Variants in DIP2B observed in about 807,000 individuals in gnomAD.
The protein encoded by DIP2B is DIP2 acetate--CoA ligase B (putative).
DIP2B carries 76 observed loss-of-function variants against 198.0 expected under a neutral mutation model. The observed-to-expected ratio is 0.38, with a 90% CI of 0.32 to 0.46. The LOEUF (loss-of-function observed/expected upper bound fraction) is 0.46, where lower values mean the gene tolerates loss of function less well. Among genes scored for constraint, DIP2B ranks in the 20% least tolerant of loss-of-function variants. DIP2B has a pLI of 0.99. For synonymous variants in DIP2B, 701 were observed against 739.1 expected, an observed-to-expected ratio of 0.95 and a Z score of 0.84; for missense variants, 1,559 against 1,978.4, an observed-to-expected ratio of 0.79 and a Z score of 4.02.
rs1449648071 is a variant in DIP2B, at chr12:50,690,728, T to C, written c.1552-321T>C. ...ACTCTGCAGTGCTGTGCTTGACTTG[T>C]ATTTATTTGATATTGTGTTTCTATT... On this transcript the variant is annotated intron_variant, in intron 12 of 37. Transcript: ENST00000301180. Among the ~76,000 whole-genome samples, 6 of 152,224 alleles carry C rather than the reference T, an allele frequency of 3.9e-5. No individual in the cohort carries two copies. The East Asian group carries it at 1.2e-3, about 29-fold the overall frequency.
At chr12:50,731,322 T>C (rs1940038385) in intron 30 of DIP2B, 47 bp from the exon 31 acceptor site, 1 of 1,591,770 alleles carries the variant, frequency 6.3e-7, no homozygotes, top group Non-Finnish European at 8.6e-7. Flanking sequence ...AAGCATCAGG[T>C]ATCCAGGATG....
At chr12:50,649,911 A>G (rs1938423916) in intron 3 of DIP2B, among the ~76,000 whole-genome samples, 1 of 152,092 alleles carries the variant, frequency 6.6e-6, no homozygotes, top group Non-Finnish European at 1.5e-5. Context: ...GAGAAACCAT[A>G]TTAAGTGCCA....
In DIP2B at chr12:50,589,952, G is replaced by A. The variant is rs563262038; in HGVS notation, c.101-36024G>A. On this transcript the variant is annotated intron_variant, in intron 1 of 37. Coordinates refer to ENST00000301180, the MANE Select transcript of DIP2B (RefSeq NM_173602.3). ...GTTCTCTGCCTTTTAACTGGTGAAA[G>A]TAAGGGGGCAGAGGAGATAGGCATT... 3.3e-5 allele frequency among the ~76,000 whole-genome samples: 5 copies of A among 152,240 alleles called. 1 individual carries two copies. The highest frequency in any genetic ancestry group is 2.1e-4 in the South Asian group (1 of 4,820).
chr12:50,685,960 A>T lies in DIP2B; in HGVS notation c.1441+4A>T. On this transcript the variant is annotated splice_donor_region_variant and intron_variant, in intron 11 of 37. Coordinates refer to ENST00000301180, the MANE Select transcript of DIP2B (RefSeq NM_173602.3). The stretch of plus-strand genomic sequence containing the variant: ...GGAGAAATTGTACAGTTTAAAGGTT[A>T]GTAACATTGTACCTGAATTATCAGT... 2 of 1,608,296 alleles carry T rather than the reference A, an allele frequency of 1.2e-6. No individual in the cohort carries two copies. Among genetic ancestry groups the T allele is most frequent in the South Asian group, 2.2e-5 (2 of 89,698 alleles).
At position 50,505,185 on chromosome 12, in the gene DIP2B, G is replaced by A; in HGVS notation, c.45G>A (p.Ala15=). The A allele has an allele frequency of 1.3e-6, 2 of 1,525,364 alleles. No homozygotes were observed. Among genetic ancestry groups the A allele is most frequent in the South Asian group, 2.4e-5 (2 of 83,420 alleles). 94.5% of individuals were successfully genotyped at this position (1,525,364 alleles called of 1,614,324 possible). ...AGCCGTCGCCGGCCGCGGTGGCGGC[G>A]CTGCCGCCTGAAGTGCGGGCGCAGC... ...GLEPSPAAVA[A]LPPEVRAQLA... is the part of the protein sequence containing the mutation. The change falls in exon 1 of 38, where the codon GCG becomes GCA. Residue 15 remains alanine, a synonymous_variant. Coordinates refer to ENST00000301180, the MANE Select transcript of DIP2B (RefSeq NM_173602.3).
chr12:50,696,131 ATC>A (rs1939307646), intron 16 of DIP2B, among the ~76,000 whole-genome samples, 164 bp downstream of exon 16: 1 of 152,236 alleles, frequency 6.6e-6, no homozygotes. Context: ...CATCATTACA[ATC>A]TAAGTTTAGA....
In DIP2B at chr12:50,722,604, G is replaced by A. The variant is rs563840949; in HGVS notation, c.3167-598G>A. The stretch of plus-strand genomic sequence containing the variant: ...TTATTTACCTAGATACTGAGATTTC[G>A]TAGAAGATCATGTGATAAAGCAGTC... On this transcript the variant is annotated intron_variant, in intron 26 of 37. Coordinates refer to ENST00000301180, the MANE Select transcript of DIP2B (RefSeq NM_173602.3). 3.4e-4 allele frequency among the ~76,000 whole-genome samples: 51 copies of A among 152,136 alleles called. No homozygotes were observed. In the South Asian group the frequency reaches 7.3e-3, roughly 22 times the overall value.
At chr12:50,716,857 G>A (rs1187910307) in intron 23 of DIP2B, among the ~76,000 whole-genome samples, 1 of 151,252 alleles carries the variant, frequency 6.6e-6, no homozygotes, top group East Asian at 1.9e-4. Flanking sequence ...AGAGGGAGTG[G>A]GCTCCCCCGT....
chr12:50,574,943 T>C (rs952609249), intron 1 of DIP2B, among the ~76,000 whole-genome samples: 11 of 152,258 alleles, frequency 7.2e-5, no homozygotes, highest in African/African-American at 2.4e-4. Context: ...GATTTAGTAT[T>C]ATTTCTGGGC....
In DIP2B at chr12:50,708,521, T is replaced by C. The variant is rs1324865037; in HGVS notation, c.2608T>C (p.Ser870Pro). 6 of 1,606,858 alleles carry C rather than the reference T, an allele frequency of 3.7e-6. No individual in the cohort carries two copies. The highest frequency in any genetic ancestry group is 5.1e-6 in the Non-Finnish European group (6 of 1,176,304). The change falls in exon 22 of 38, where the codon TCT (serine) becomes CCT (proline). Residue 870 changes from serine (S) to proline (P), a missense_variant. Physicochemically the swap from Ser to Pro is moderately conservative, Grantham distance 74. Transcript: ENST00000301180. ...VVVAEQRPDA[S>P]EEDSFQWMSR... is the part of the protein sequence containing the mutation. ...GGTTGCGGAACAAAGACCTGATGCT[T>C]CTGAGGAAGATAGTTTCCAGTGGAT...
intron 22 of DIP2B, among the ~76,000 whole-genome samples, chr12:50,711,507 A>G (rs992128075): frequency 6.6e-6 from 1 of 152,090 alleles, no homozygotes; most frequent in African/African-American, 2.4e-5. Context: ...GGATAGTCTG[A>G]GGATTGTGAT....
At chr12:50,639,115 A>T (rs1166786321) in intron 2 of DIP2B, among the ~76,000 whole-genome samples, 2 of 144,470 alleles carry the variant, frequency 1.4e-5, no homozygotes. Flanking sequence ...TTTGAGACAG[A>T]GTCTTGCTCT....
rs1958583460 is a variant in DIP2B, at chr12:50,568,291, C to G, written c.101-57685C>G. Among the ~76,000 whole-genome samples the G allele has an allele frequency of 2.6e-5, 4 of 152,166 alleles. No individual in the cohort carries two copies. The South Asian group carries it at 8.3e-4, about 31-fold the overall frequency. On this transcript the variant is annotated intron_variant, in intron 1 of 37. Transcript: ENST00000301180. ...GTTATTATGTAGAATTGGGGATCCC[C>G]TTTTCCAGCTTTCTCCTGTTTGGTA... is the stretch of plus-strand genomic sequence containing the variant.
chr12:50,722,976 A>T (rs1036359076), intron 26 of DIP2B, among the ~76,000 whole-genome samples: 11 of 152,168 alleles, frequency 7.2e-5, no homozygotes, highest in African/African-American at 2.7e-4. Context: ...TCAGGAGTTT[A>T]CTGCTGATTT....
chr12:50,616,909 C>A (rs1937709830), intron 1 of DIP2B, among the ~76,000 whole-genome samples: 2 of 152,178 alleles, frequency 1.3e-5, no homozygotes, highest in Admixed American at 6.5e-5. Flanking sequence ...TAAGATTGCT[C>A]TCATTCACAT....
Position 50,521,263 on chromosome 12 carries a change from C to T in DIP2B, c.100+16023C>T, listed in dbSNP as rs558320301. Among the ~76,000 whole-genome samples, 4 of 151,216 alleles carry T rather than the reference C, an allele frequency of 2.6e-5. No individual in the cohort carries two copies. In the South Asian group the frequency reaches 6.3e-4, roughly 24 times the overall value. On this transcript the variant is annotated intron_variant, in intron 1 of 37. Transcript: ENST00000301180. Reference sequence around the variant, plus strand: ...CTGAGATTACAGGCGCACACCCCCACACCCTGCTAATTTTTGTATTTTTAG... The same window carrying T: ...CTGAGATTACAGGCGCACACCCCCATACCCTGCTAATTTTTGTATTTTTAG...
chr12:50,585,241 T>C (rs1958760216), intron 1 of DIP2B, among the ~76,000 whole-genome samples: 2 of 152,230 alleles, frequency 1.3e-5, no homozygotes, highest in African/African-American at 4.8e-5. Flanking sequence ...ATTGATTGAG[T>C]GCCTATTCTG....
chr12:50,517,549 A>AT (rs1958076595), intron 1 of DIP2B, among the ~76,000 whole-genome samples: 1 of 151,994 alleles, frequency 6.6e-6, no homozygotes, highest in African/African-American at 2.4e-5. Flanking sequence ...CCTGTCACTG[A>AT]TTGATCATTC....
intron 4 of DIP2B, among the ~76,000 whole-genome samples, chr12:50,670,278 G>C (rs1338262555): frequency 4.6e-5 from 7 of 151,904 alleles, no homozygotes; most frequent in Non-Finnish European, 8.8e-5. Context: ...GCCTTCTCCT[G>C]TCATGCTTGG....
Sources: gnomAD v4.1 joint callset for allele counts (sites outside exome capture counted in the v4.1 genomes callset) on GRCh38, gnomAD v4.1.1 for gene constraint, MANE v1.5 for transcripts, NCBI Gene and HGNC (gene_info 2026-07-23, HGNC 2026-07-21) for gene names.